The following CPVL variants were observed in gnomAD, a reference collection of about 807,000 sequenced individuals.
The protein encoded by CPVL is carboxypeptidase vitellogenic like.
Under a neutral mutation model 63.7 loss-of-function variants are expected in CPVL, and 51 were observed. The observed-to-expected ratio is 0.80, with a 90% confidence interval of 0.64 to 1.01. The LOEUF (loss-of-function observed/expected upper bound fraction) is 1.01. Among genes scored for constraint, CPVL ranks in the 50% least tolerant of loss-of-function variants. The probability of loss-of-function intolerance (pLI) is 0.00; values close to 1 mark genes in which losing one functional copy is unlikely to be tolerated. For synonymous variants in CPVL, 195 were observed against 206.0 expected (o/e 0.95, Z 0.46); for missense variants, 530 against 573.1 (o/e 0.92, Z 0.77).
chr7:29,031,661 T>C (rs114339892), intron 11 of CPVL, among the ~76,000 whole-genome samples: 1 of 151,876 alleles, frequency 6.6e-6, no homozygotes, highest in Non-Finnish European at 1.5e-5. Flanking sequence ...GGAAAACAGG[T>C]CCAAAGAAAT....
In CPVL at chr7:29,146,451, C is replaced by G; in HGVS notation, c.-33G>C. The G allele has an allele frequency of 7.3e-7, 1 of 1,368,028 alleles. No individual in the cohort carries two copies. Among genetic ancestry groups the G allele is most frequent in the Non-Finnish European group, 9.7e-7 (1 of 1,032,448 alleles). The allele number at this position is 1,368,028 out of a possible 1,614,324, so 84.7% of individuals were successfully genotyped here. ...TACGCGGCGCAGTCGGTGCTCCTCC[C>G]TGAGCCGCGGCGCGCAAGGACCCCA... is the stretch of plus-strand genomic sequence containing the variant. On this transcript the variant is annotated 5_prime_UTR_variant, in exon 1 of 13. Coordinates refer to ENST00000265394, the MANE Select transcript of CPVL (RefSeq NM_031311.5).
chr7:29,143,563 T>C (rs1792131522), intron 1 of CPVL, among the ~76,000 whole-genome samples: 1 of 152,186 alleles, frequency 6.6e-6, no homozygotes, highest in Non-Finnish European at 1.5e-5. Context: ...TATGTGGCAC[T>C]ATCTTTTTGA....
chr7:29,191,515 G>C (rs1194874529), intron 1 of CPVL: 4 of 152,206 alleles, frequency 2.6e-5, no homozygotes, highest in Admixed American at 2.0e-4. Context: ...TTTGTGAAAG[G>C]GGGGAACAGA....
intron 11 of CPVL, among the ~76,000 whole-genome samples, chr7:29,052,386 A>G (rs1659054182): frequency 6.7e-6 from 1 of 149,056 alleles, no homozygotes; most frequent in Admixed American, 6.8e-5. Flanking sequence ...CAACTCGAGT[A>G]TTAGTTTTTA....
intron 11 of CPVL, among the ~76,000 whole-genome samples, chr7:29,046,560 C>T (rs1038216418): frequency 1.8e-4 from 14 of 79,850 alleles, no homozygotes; most frequent in South Asian, 3.7e-4. Flanking sequence ...CATGCACGTG[C>T]GCGCGTGCAC....
Position 29,194,704 on chromosome 7 carries a change from A to T in CPVL, c.-448+373T>A, listed in dbSNP as rs1480838745. On this transcript the variant is annotated intron_variant, in intron 1 of 16. Coordinates refer to the CPVL transcript ENST00000409850. ...CTCCCACCTACCCCCTGACACCCAT[A>T]GAAAAGCGTGCAAAGGCGCGGAGCG... 3 of 403,128 alleles carry T rather than the reference A, an allele frequency of 7.4e-6. No individual in the cohort carries two copies. In the East Asian group the frequency reaches 1.2e-4, roughly 16 times the overall value. The allele number at this position is 403,128 out of a possible 1,614,324, so 25.0% of individuals were successfully genotyped here. A position where few individuals can be genotyped will look rare whatever the true frequency, so the allele number is the denominator to read the frequency against.
chr7:29,126,833 G>A (rs1241867528), intron 1 of CPVL: 1 of 152,162 alleles, frequency 6.6e-6, no homozygotes, highest in East Asian at 1.9e-4. Flanking sequence ...GAGCCCAGGA[G>A]TTTATTTATT....
At chr7:29,038,617 C>T (rs1398844784) in intron 11 of CPVL, among the ~76,000 whole-genome samples, 1 of 152,216 alleles carries the variant, frequency 6.6e-6, no homozygotes, top group Non-Finnish European at 1.5e-5. Context: ...CCCTGAGGCA[C>T]ACCCCCACCC....
At chr7:29,103,041 C>T (rs1787319864) in intron 3 of CPVL, among the ~76,000 whole-genome samples, 1 of 151,966 alleles carries the variant, frequency 6.6e-6, no homozygotes, top group Non-Finnish European at 1.5e-5. Flanking sequence ...ATCACCTTTG[C>T]CCTGAGTCTT....
At chr7:29,003,748 G>A (rs1375783321) in intron 12 of CPVL, among the ~76,000 whole-genome samples, 1 of 152,184 alleles carries the variant, frequency 6.6e-6, no homozygotes, top group African/African-American at 2.4e-5. Context: ...CATGCACAGT[G>A]TTGGGGAGTG....
upstream of CPVL, among the ~76,000 whole-genome samples, chr7:29,147,889 G>A (rs547990833): frequency 2.0e-5 from 3 of 152,336 alleles, no homozygotes; most frequent in South Asian, 6.2e-4. Flanking sequence ...GAATTGACAT[G>A]AAAGGCCAGA....
At chr7:29,060,594 A>G (rs1791172522) in intron 11 of CPVL, among the ~76,000 whole-genome samples, 1 of 152,224 alleles carries the variant, frequency 6.6e-6, no homozygotes, top group Non-Finnish European at 1.5e-5. Context: ...TTGAGTATGC[A>G]TCTCCTGTAT....
intron 5 of CPVL, among the ~76,000 whole-genome samples, chr7:29,171,967 C>T (rs1473459680): frequency 2.6e-5 from 4 of 152,142 alleles, no homozygotes; most frequent in Non-Finnish European, 5.9e-5. Flanking sequence ...TAATTGTCCT[C>T]CTCAACAGAG....
At chr7:29,191,004 A>G (rs1018004173) in intron 1 of CPVL, among the ~76,000 whole-genome samples, 2 of 151,582 alleles carry the variant, frequency 1.3e-5, no homozygotes, top group African/African-American at 4.9e-5. Flanking sequence ...GCATCAACAG[A>G]GCTCACTGCA....
At chr7:29,157,846 A>AT (rs56859820) in intron 5 of CPVL, among the ~76,000 whole-genome samples, 11,753 of 152,128 alleles carry the variant, frequency 0.077, 622 homozygotes, top group Non-Finnish European at 0.12. Context: ...TAAAAAAAAA[A>AT]TCCTTCTATG....
chr7:29,182,847 T>G (rs1032222665), intron 4 of CPVL, among the ~76,000 whole-genome samples: 6 of 152,160 alleles, frequency 3.9e-5, no homozygotes, highest in African/African-American at 1.4e-4. Flanking sequence ...ATTGTGTTAA[T>G]CCCGTTTTTG....
intron 1 of CPVL, among the ~76,000 whole-genome samples, chr7:29,124,559 G>A (rs1292194999): frequency 6.6e-6 from 1 of 152,014 alleles, no homozygotes; most frequent in African/African-American, 2.4e-5. Flanking sequence ...ATGGAACAAA[G>A]CTATTTATCC....
chr7:29,071,965 C>A, intron 8 of CPVL, 61 bp from the exon 9 acceptor site: 1 of 1,588,474 alleles, frequency 6.3e-7, no homozygotes, highest in Non-Finnish European at 8.6e-7. Flanking sequence ...CTTAAGGAAG[C>A]CCATTTGCTT....
chr7:29,102,512 C>G (rs1787258128), intron 3 of CPVL, among the ~76,000 whole-genome samples: 2 of 152,132 alleles, frequency 1.3e-5, no homozygotes, highest in African/African-American at 4.8e-5. Context: ...AAAACCTCTA[C>G]TAATGACTTA....
Sources: gnomAD v4.1 joint callset for allele counts (sites outside exome capture counted in the v4.1 genomes callset) on GRCh38, gnomAD v4.1.1 for gene constraint, MANE v1.5 for transcripts, NCBI Gene and HGNC (gene_info 2026-07-23, HGNC 2026-07-21) for gene names.